The following PRKD3 variants were observed in gnomAD, a reference collection of about 807,000 sequenced individuals.
PRKD3 encodes protein kinase D3.
PRKD3 carries 47 observed loss-of-function variants against 99.2 expected under a neutral mutation model. The observed-to-expected ratio is 0.47, with a 90% CI of 0.38 to 0.60. The LOEUF (loss-of-function observed/expected upper bound fraction) is 0.60, where lower values mean the gene tolerates loss of function less well. Among genes scored for constraint, PRKD3 ranks in the 20% least tolerant of loss-of-function variants. PRKD3 has a pLI of 0.00. For missense variants in PRKD3, 1,019 were observed against 1,088.4 expected (o/e 0.94, Z 0.90); for synonymous variants, 392 against 355.4 (o/e 1.10, Z -1.16).
intron 6 of PRKD3, among the ~76,000 whole-genome samples, chr2:37,283,762 G>A (rs1392006455): frequency 1.3e-5 from 2 of 151,980 alleles, no homozygotes; most frequent in African/African-American, 4.8e-5. Flanking sequence ...CAAGGCAGGT[G>A]GATCACTTGA....
intron 2 of PRKD3, among the ~76,000 whole-genome samples, chr2:37,297,059 A>G (rs571770462): frequency 6.6e-6 from 1 of 152,116 alleles, no homozygotes; most frequent in Non-Finnish European, 1.5e-5. Flanking sequence ...ACAAACAAAA[A>G]CCAAACTGTT....
In PRKD3 at chr2:37,256,729, T is replaced by G; in HGVS notation, c.2346A>C (p.Ile782=). The change falls in exon 17 of 19, where the codon ATA becomes ATC. Residue 782 remains isoleucine, a synonymous_variant. Transcript: ENST00000234179. ...GTFPFNEDED[I]NDQIQNAAFM... ...ATGCAGCATTTTGGATTTGGTCATT[T>G]ATATCTTCATCCTCATTAAAAGGAA... 1.2e-6 allele frequency: 2 copies of G among 1,613,446 alleles called. No individual in the cohort carries two copies. Among genetic ancestry groups the G allele is most frequent in the Non-Finnish European group, 8.5e-7 (1 of 1,179,894 alleles).
intron 6 of PRKD3, among the ~76,000 whole-genome samples, chr2:37,283,630 T>C (rs974412174): frequency 2.6e-5 from 4 of 152,126 alleles, no homozygotes; most frequent in African/African-American, 4.8e-5. Context: ...TCTTAAACAA[T>C]AGATTTGTGT....
intron 12 of PRKD3, among the ~76,000 whole-genome samples, chr2:37,271,613 G>T (rs1346251882): frequency 6.6e-6 from 1 of 152,262 alleles, no homozygotes; most frequent in Non-Finnish European, 1.5e-5. Context: ...CCCAAGCTCC[G>T]CCTCCTGCCA....
At chr2:37,254,099 C>T in intron 18 of PRKD3, 105 bp downstream of exon 18, 2 of 799,512 alleles carry the variant, frequency 2.5e-6, no homozygotes, top group Admixed American at 4.1e-5. Context: ...CACTTAAGAG[C>T]ACTTTTATTA....
intron 16 of PRKD3, 99 bp from the exon 17 acceptor site, chr2:37,257,028 G>A (rs2148483328): frequency 7.9e-7 from 1 of 1,267,174 alleles, no homozygotes; most frequent in East Asian, 2.3e-5. Context: ...CAACATACTT[G>A]CCAGCTCTAC....
intron 12 of PRKD3, 144 bp from the exon 13 acceptor site, chr2:37,269,831 C>A (rs1300833122): frequency 4.8e-6 from 3 of 630,466 alleles, no homozygotes; most frequent in Non-Finnish European, 8.0e-6. Context: ...TTTATGAAAA[C>A]ACAGGCTTTC....
At chr2:37,282,221 C>T (rs1669885906) in intron 7 of PRKD3, 2 of 244,722 alleles carry the variant, frequency 8.2e-6, no homozygotes, top group African/African-American at 2.2e-5. Flanking sequence ...GCAGTTAGTA[C>T]ATATTAGAAC....
chr2:37,256,122 T>C (rs1172219921), intron 17 of PRKD3, among the ~76,000 whole-genome samples: 6 of 151,980 alleles, frequency 3.9e-5, no homozygotes, highest in Non-Finnish European at 7.4e-5. Flanking sequence ...AATTAAGGGG[T>C]CCTCGAATTT....
chr2:37,311,328 T>C (rs374650578), intron 2 of PRKD3, among the ~76,000 whole-genome samples: 27 of 152,326 alleles, frequency 1.8e-4, no homozygotes, highest in African/African-American at 6.5e-4. Flanking sequence ...TTTCAGGACT[T>C]ACATCTACCT....
intron 1 of PRKD3, among the ~76,000 whole-genome samples, chr2:37,323,674 G>GT (rs1385724652): frequency 4.0e-5 from 6 of 151,788 alleles, no homozygotes; most frequent in Non-Finnish European, 1.5e-5. Flanking sequence ...AAGTAGAAGG[G>GT]TAAAAAAAAA....
intron 17 of PRKD3, among the ~76,000 whole-genome samples, chr2:37,256,272 A>G (rs373035081): frequency 2.0e-5 from 3 of 152,188 alleles, no homozygotes; most frequent in East Asian, 1.9e-4. Context: ...ATCACAGATA[A>G]CTATGCCTGT....
intron 2 of PRKD3, among the ~76,000 whole-genome samples, chr2:37,296,283 A>G (rs767193256): frequency 1.3e-5 from 2 of 152,140 alleles, no homozygotes; most frequent in Non-Finnish European, 2.9e-5. Context: ...AATAAATATA[A>G]CCTTCTTAAT....
At chr2:37,312,252 A>G (rs1671458925) in intron 2 of PRKD3, among the ~76,000 whole-genome samples, 1 of 152,220 alleles carries the variant, frequency 6.6e-6, no homozygotes, top group African/African-American at 2.4e-5. Context: ...TTGTCAAAAT[A>G]TATGTTATGA....
intron 12 of PRKD3, among the ~76,000 whole-genome samples, chr2:37,271,083 C>A (rs2148529965): frequency 1.3e-5 from 2 of 152,302 alleles, no homozygotes; most frequent in Admixed American, 1.3e-4. Context: ...TACTAGAGTC[C>A]AATCTTCATT....
intron 14 of PRKD3, 139 bp from the exon 15 acceptor site, chr2:37,260,523 A>G (rs926124165): frequency 1.2e-6 from 1 of 801,212 alleles, no homozygotes; most frequent in Non-Finnish European, 2.0e-6. Context: ...TAAAAATTAC[A>G]ATCAATGAAA....
At position 37,301,478 on chromosome 2, in the gene PRKD3, G is replaced by C. The variant is rs141187717; in HGVS notation, c.289-8207C>G. Among the ~76,000 whole-genome samples the C allele has an allele frequency of 2.7e-5, 4 of 147,698 alleles. No homozygotes were observed. The South Asian group carries it at 8.6e-4, about 32-fold the overall frequency. ...TTTTGAGTGGGGGTCTCCCTCTGTTGCCCACAATGTAGTGGCTTGATCACT... is the reference window on the plus strand; with the variant it reads ...TTTTGAGTGGGGGTCTCCCTCTGTTCCCCACAATGTAGTGGCTTGATCACT... On this transcript the variant is annotated intron_variant, in intron 2 of 18. Coordinates refer to ENST00000234179, the MANE Select transcript of PRKD3 (RefSeq NM_005813.6).
At position 37,286,341 on chromosome 2, in the gene PRKD3, C is replaced by G. The variant is rs1572665203; in HGVS notation, c.746G>C (p.Arg249Thr). ...TGGGCGACCACTCCAAGAAGGAATTCTCTTACTTGGTTCCTGGTGGACATG... is the reference window on the plus strand; with the variant it reads ...TGGGCGACCACTCCAAGAAGGAATTGTCTTACTTGGTTCCTGGTGGACATG... ...ESHVHQEPSK[R>T]IPSWSGRPIW... is the part of the protein sequence containing the mutation. Residue 249 changes from arginine (R) to threonine (T), a missense_variant, in exon 6 of 19, where the codon AGA (arginine) becomes ACA (threonine). Physicochemically the swap from Arg to Thr is moderately conservative, Grantham distance 71 (BLOSUM62 -1). Coordinates refer to ENST00000234179, the MANE Select transcript of PRKD3 (RefSeq NM_005813.6). 1.2e-6 allele frequency: 2 copies of G among 1,613,968 alleles called. No homozygotes were observed. Among genetic ancestry groups the G allele is most frequent in the Non-Finnish European group, 1.7e-6 (2 of 1,179,904 alleles).
intron 14 of PRKD3, among the ~76,000 whole-genome samples, chr2:37,261,875 C>G (rs1383779302): frequency 6.6e-6 from 1 of 152,212 alleles, no homozygotes; most frequent in Non-Finnish European, 1.5e-5. Flanking sequence ...TGCATTCATT[C>G]AGTAAAAAAC....
Sources: allele counts gnomAD v4.1 joint callset (sites outside exome capture counted in the v4.1 genomes callset), GRCh38; gene constraint gnomAD v4.1.1; transcripts MANE v1.5; gene names NCBI Gene and HGNC (gene_info 2026-07-23, HGNC 2026-07-21).